The following CCDC73 variants were observed in gnomAD, a reference collection of about 807,000 sequenced individuals.
CCDC73 encodes coiled-coil domain-containing protein 73.
CCDC73 carries 95 observed loss-of-function variants against 116.5 expected under a neutral mutation model. That is an observed-to-expected ratio of 0.82 (90% CI 0.69 to 0.97). The LOEUF (loss-of-function observed/expected upper bound fraction) is 0.97. Ranked by LOEUF, CCDC73 falls within the 50% of genes least tolerant of loss-of-function variation. CCDC73 has a pLI of 0.00. For missense variants in CCDC73, 1,066 were observed against 1,206.8 expected (o/e 0.88, Z 1.73); for synonymous variants, 398 against 401.3 (o/e 0.99, Z 0.10).
chr11:32,781,594 AC>A (rs1383525536), intron 1 of CCDC73, among the ~76,000 whole-genome samples: 1 of 152,084 alleles, frequency 6.6e-6, no homozygotes, highest in African/African-American at 2.4e-5. Context: ...GTTAGGCAGA[AC>A]CCTCTCTGAC....
At chr11:32,644,373 T>A (rs1342787458) in intron 12 of CCDC73, among the ~76,000 whole-genome samples, 1 of 152,132 alleles carries the variant, frequency 6.6e-6, no homozygotes, top group Non-Finnish European at 1.5e-5. Context: ...TCAGGTACTA[T>A]ACTTATTACC....
chr11:32,743,184 T>A (rs1374947237), intron 2 of CCDC73, among the ~76,000 whole-genome samples: 2 of 152,232 alleles, frequency 1.3e-5, no homozygotes, highest in Non-Finnish European at 2.9e-5. Flanking sequence ...TTTTTCCAAT[T>A]CTGTGAAAAG....
At chr11:32,639,202 GTCA>G (rs1479411614) in intron 13 of CCDC73, among the ~76,000 whole-genome samples, 2 of 149,818 alleles carry the variant, frequency 1.3e-5, no homozygotes, top group African/African-American at 5.1e-5. Context: ...AAATTCTAGG[GTCA>G]TCTTTTCTCT....
chr11:32,782,763 A>G (rs1044011046), intron 1 of CCDC73, among the ~76,000 whole-genome samples: 2 of 152,192 alleles, frequency 1.3e-5, no homozygotes, highest in East Asian at 1.9e-4. Flanking sequence ...AGATGAGTGT[A>G]TATTACATTG....
chr11:32,800,969 G>T, the CCDC73 span, among the ~76,000 whole-genome samples: 1 of 152,150 alleles, frequency 6.6e-6, no homozygotes, highest in Non-Finnish European at 1.5e-5. Flanking sequence ...GTCAAGAGAT[G>T]GAGGATTCCT....
chr11:32,649,833 A>T (rs1855810787), intron 12 of CCDC73, among the ~76,000 whole-genome samples: 3 of 152,206 alleles, frequency 2.0e-5, no homozygotes. Flanking sequence ...GATAGTAATG[A>T]TAGATTGTAT....
chr11:32,619,747 A>G (rs1233438259), intron 14 of CCDC73, among the ~76,000 whole-genome samples: 2 of 151,226 alleles, frequency 1.3e-5, no homozygotes, highest in Admixed American at 1.3e-4. Context: ...GAAGGAGCAG[A>G]AGGAGGAGGA....
chr11:32,628,588 C>T (rs1393136088), intron 14 of CCDC73, among the ~76,000 whole-genome samples: 2 of 152,128 alleles, frequency 1.3e-5, no homozygotes, highest in East Asian at 1.9e-4. Flanking sequence ...TTTGTAGAGA[C>T]CCCAGCAGGA....
intron 17 of CCDC73, chr11:32,604,757 G>A (rs983789721): frequency 2.6e-5 from 4 of 152,154 alleles, no homozygotes; most frequent in African/African-American, 9.7e-5. Flanking sequence ...AGATCTTTGG[G>A]TACTGCCTTA....
At position 32,634,399 on chromosome 11, in the gene CCDC73, C is replaced by A. The variant is rs531197462; in HGVS notation, c.1185+1297G>T. On this transcript the variant is annotated intron_variant, in intron 14 of 17. Coordinates refer to ENST00000335185, the MANE Select transcript of CCDC73 (RefSeq NM_001008391.4). ...ATTAATATGAAAAGAATAAAAAAAA[C>A]CCAATCATCTTAATAGACACAGAAA... 1.6e-4 allele frequency among the ~76,000 whole-genome samples: 25 copies of A among 152,066 alleles called. No homozygotes were observed. The East Asian group carries it at 4.1e-3, about 25-fold the overall frequency.
chr11:32,732,257 A>C (rs1020205201), intron 2 of CCDC73, among the ~76,000 whole-genome samples: 9 of 152,232 alleles, frequency 5.9e-5, no homozygotes, highest in African/African-American at 2.2e-4. Context: ...TCCAAGAAAT[A>C]TGGGACTACG....
the CCDC73 span, chr11:32,829,715 G>A: frequency 1.0e-6 from 1 of 959,840 alleles, no homozygotes; most frequent in Non-Finnish European, 1.2e-6. Context: ...GACACAAATC[G>A]AAAAGCAGCC....
chr11:32,742,750 T>C (rs1850199729), intron 2 of CCDC73, among the ~76,000 whole-genome samples: 5 of 152,232 alleles, frequency 3.3e-5, no homozygotes, highest in African/African-American at 1.2e-4. Flanking sequence ...TCCTGAATGG[T>C]ATTGCCCAGG....
At chr11:32,744,545 T>C (rs1212318487) in intron 2 of CCDC73, among the ~76,000 whole-genome samples, 1 of 152,364 alleles carries the variant, frequency 6.6e-6, no homozygotes, top group East Asian at 1.9e-4. Flanking sequence ...TCCTGGACTT[T>C]CTTTGGTTGG....
At position 32,644,325 on chromosome 11, in the gene CCDC73, G is replaced by A. The variant is rs1255266347; in HGVS notation, c.940-2243C>T. 2.0e-5 allele frequency among the ~76,000 whole-genome samples: 3 copies of A among 152,050 alleles called. No individual in the cohort carries two copies. In the East Asian group the frequency reaches 5.8e-4, roughly 29 times the overall value. On this transcript the variant is annotated intron_variant, in intron 12 of 17. Coordinates refer to ENST00000335185, the MANE Select transcript of CCDC73 (RefSeq NM_001008391.4). Reference sequence around the variant, plus strand: ...CAAAGAAGGGAACAATGGACACCAGGGCCTACTGAGGGTGGAGGGAGATCA... The same window carrying A: ...CAAAGAAGGGAACAATGGACACCAGAGCCTACTGAGGGTGGAGGGAGATCA...
intron 9 of CCDC73, among the ~76,000 whole-genome samples, chr11:32,661,337 C>T (rs1156890011): frequency 3.9e-5 from 6 of 152,052 alleles, no homozygotes; most frequent in African/African-American, 1.5e-4. Flanking sequence ...TTCTATGGTA[C>T]ATGTGGACAA....
At chr11:32,775,635 T>C (rs1367594968) in intron 1 of CCDC73, among the ~76,000 whole-genome samples, 4 of 152,170 alleles carry the variant, frequency 2.6e-5, no homozygotes, top group Non-Finnish European at 4.4e-5. Context: ...TAGTTGAATA[T>C]TAAATAAATT....
At chr11:32,771,129 TG>T (rs1260499850) in intron 1 of CCDC73, among the ~76,000 whole-genome samples, 1 of 152,200 alleles carries the variant, frequency 6.6e-6, no homozygotes, top group East Asian at 1.9e-4. Flanking sequence ...TGTGTTTGTT[TG>T]GTTTCAGTTT....
chr11:32,697,252 T>C (rs1467058981), intron 6 of CCDC73, among the ~76,000 whole-genome samples: 2 of 152,126 alleles, frequency 1.3e-5, no homozygotes, highest in East Asian at 3.8e-4. Flanking sequence ...TCACCCTAAA[T>C]ACTTCATCAT....
Sources: gnomAD v4.1 joint callset for allele counts (sites outside exome capture counted in the v4.1 genomes callset) on GRCh38, gnomAD v4.1.1 for gene constraint, MANE v1.5 for transcripts, NCBI Gene and HGNC (gene_info 2026-07-23, HGNC 2026-07-21) for gene names.